CSGALNACT2: variants seen among roughly 807,000 people sequenced by gnomAD.
The protein encoded by CSGALNACT2 is beta 4 GalNAcT-2.
A neutral mutation model predicts 55.3 loss-of-function variants in CSGALNACT2; 35 were observed. The observed-to-expected ratio is 0.63, with a 90% confidence interval of 0.48 to 0.84. The LOEUF (loss-of-function observed/expected upper bound fraction) is 0.84, where lower values mean the gene tolerates loss of function less well. CSGALNACT2 is among the 40% of genes least tolerant of loss of function. The pLI is 0.00. For synonymous variants in CSGALNACT2, 196 were observed against 224.9 expected, an observed-to-expected ratio of 0.87 and a Z score of 1.15; for missense variants, 544 against 657.5, an observed-to-expected ratio of 0.83 and a Z score of 1.89.
Position 43,150,463 on chromosome 10 carries a change from G to A in CSGALNACT2, c.-253-4434G>A, listed in dbSNP as rs538349700. On this transcript the variant is annotated intron_variant, in intron 1 of 7. Coordinates refer to ENST00000374466, the MANE Select transcript of CSGALNACT2 (RefSeq NM_018590.5). ...GCTTTTTATGTAGAGAAAGTATTTT[G>A]CCTTTTTCAAAGATAATTTCTCTGG... Among the ~76,000 whole-genome samples the A allele has an allele frequency of 1.1e-4, 16 of 152,240 alleles. 1 individual carries two copies. The South Asian group carries it at 2.1e-3, about 20-fold the overall frequency.
At chr10:43,150,023 C>T (rs187344154) in intron 1 of CSGALNACT2, among the ~76,000 whole-genome samples, 431 of 152,224 alleles carry the variant, frequency 2.8e-3, no homozygotes, top group Non-Finnish European at 4.8e-3. Flanking sequence ...GCTGAGATCG[C>T]GCCATTGCAC....
intron 6 of CSGALNACT2, among the ~76,000 whole-genome samples, chr10:43,172,187 T>C (rs1839396037): frequency 1.3e-5 from 2 of 152,178 alleles, no homozygotes; most frequent in Admixed American, 6.5e-5. Context: ...ATTGATAACA[T>C]TAAAAGCAAG....
At chr10:43,145,091 T>C (rs1838715339) in intron 1 of CSGALNACT2, among the ~76,000 whole-genome samples, 1 of 152,218 alleles carries the variant, frequency 6.6e-6, no homozygotes, top group Admixed American at 6.5e-5. Context: ...GCTCTACACC[T>C]AGAAGCTGCT....
chr10:43,154,513 C>T (rs955952042), intron 1 of CSGALNACT2, among the ~76,000 whole-genome samples: 11 of 152,132 alleles, frequency 7.2e-5, no homozygotes, highest in Non-Finnish European at 1.5e-4. Context: ...ACAGGCAGAT[C>T]ACCTGAGGTC....
At chr10:43,152,635 A>G (rs555637522) in intron 1 of CSGALNACT2, among the ~76,000 whole-genome samples, 154 of 152,338 alleles carry the variant, frequency 1.0e-3, no homozygotes, top group African/African-American at 3.5e-3. Flanking sequence ...GTTATAGCTC[A>G]TAGTCTAAAA....
Position 43,184,741 on chromosome 10 carries a change from CACT to C in CSGALNACT2, c.*1202_*1204del, listed in dbSNP as rs1839662834. 6.6e-6 allele frequency: 1 copy of C among 152,146 alleles called. No individual in the cohort carries two copies. The highest frequency in any genetic ancestry group is 2.1e-4 in the South Asian group (1 of 4,828). 9.4% of individuals were successfully genotyped at this position (152,146 alleles called of 1,614,324 possible). ...AAGAAATTATATTCAGATAGGACTG[CACT>C]ACATTATTTGTCACACATGGATCTG... On this transcript the variant is annotated 3_prime_UTR_variant, in exon 8 of 8. Coordinates refer to ENST00000374466, the MANE Select transcript of CSGALNACT2 (RefSeq NM_018590.5).
At chr10:43,162,801 T>A (rs1220088865) in intron 4 of CSGALNACT2, 1 of 911,226 alleles carries the variant, frequency 1.1e-6, no homozygotes, top group Non-Finnish European at 1.3e-6. Flanking sequence ...CTGGCTGTAG[T>A]CTGAGAGTTT....
chr10:43,167,174 A>C, intron 6 of CSGALNACT2, 76 bp downstream of exon 6: 1 of 919,254 alleles, frequency 1.1e-6, no homozygotes, highest in South Asian at 1.5e-5. Flanking sequence ...GTAGAAAACA[A>C]AGTTTCAATA....
intron 1 of CSGALNACT2, among the ~76,000 whole-genome samples, chr10:43,142,544 T>C (rs1396579907): frequency 6.6e-6 from 1 of 152,212 alleles, no homozygotes; most frequent in Non-Finnish European, 1.5e-5. Context: ...AAATAATGCT[T>C]CATGACCCAT....
In CSGALNACT2 at chr10:43,138,512, C is replaced by G. The variant is rs1307820002; in HGVS notation, c.-309C>G. 1.3e-5 allele frequency: 2 copies of G among 150,408 alleles called. No individual in the cohort carries two copies. Among genetic ancestry groups the G allele is most frequent in the Non-Finnish European group, 3.0e-5 (2 of 67,470 alleles). The allele number at this position is 150,408 out of a possible 1,614,324, so 9.3% of individuals were successfully genotyped here. ...GGCGGCGGGCCCAAGGCGTGAGGCG[C>G]CGCCCGGGTGTCCCCGCGGCGCAGG... On this transcript the variant is annotated 5_prime_UTR_variant, in exon 1 of 8. Transcript: ENST00000374466.
chr10:43,151,088 A>G (rs372002297), intron 1 of CSGALNACT2, among the ~76,000 whole-genome samples: 1 of 152,226 alleles, frequency 6.6e-6, no homozygotes, highest in Non-Finnish European at 1.5e-5. Context: ...ATTTTTGAAC[A>G]TAAACATCAT....
intron 1 of CSGALNACT2, among the ~76,000 whole-genome samples, chr10:43,149,927 C>T (rs1016808180): frequency 4.6e-5 from 7 of 152,150 alleles, no homozygotes; most frequent in East Asian, 1.9e-4. Flanking sequence ...ATTAGCCAGG[C>T]GTGGTGGTGC....
chr10:43,145,448 A>G (rs1362377843), intron 1 of CSGALNACT2, among the ~76,000 whole-genome samples: 2 of 121,410 alleles, frequency 1.6e-5, no homozygotes, highest in African/African-American at 6.6e-5. Context: ...AGACAGGGCT[A>G]GAGTGCTTTG....
rs145457765 is a variant in CSGALNACT2, at chr10:43,181,038, C to T, written c.1337-2212C>T. ...GATTACCTTTTCCCCTTCCCCACTG[C>T]TGGACGCATTAAGAGATTTTTCTCT... On this transcript the variant is annotated intron_variant, in intron 7 of 7. Coordinates refer to ENST00000374466, the MANE Select transcript of CSGALNACT2 (RefSeq NM_018590.5). Among the ~76,000 whole-genome samples, 637 of 152,344 alleles carry T rather than the reference C, an allele frequency of 4.2e-3. 3 individuals carry two copies. The highest frequency in any genetic ancestry group is 9.9e-3 in the Admixed American group (152 of 15,304).
chr10:43,169,518 GCAGAATGGTTA>G (rs1408689009), intron 6 of CSGALNACT2, among the ~76,000 whole-genome samples: 1 of 152,212 alleles, frequency 6.6e-6, no homozygotes, highest in Non-Finnish European at 1.5e-5. Context: ...GGTCTGAATA[GCAGAATGGTTA>G]CAGTTGAATC....
At chr10:43,179,382 C>A (rs952542051) in intron 7 of CSGALNACT2, among the ~76,000 whole-genome samples, 1 of 150,626 alleles carries the variant, frequency 6.6e-6, no homozygotes, top group South Asian at 2.1e-4. Flanking sequence ...TCTACCACCA[C>A]GGCTTGGTTT....
intron 7 of CSGALNACT2, 50 bp from the exon 8 acceptor site, chr10:43,183,200 C>T (rs1839624656): frequency 7.3e-7 from 1 of 1,370,434 alleles, no homozygotes; most frequent in Non-Finnish European, 1.0e-6. Flanking sequence ...TATCCCTGTG[C>T]TCTGGCTAAT....
At chr10:43,156,272 T>A (rs558749952) in intron 2 of CSGALNACT2, among the ~76,000 whole-genome samples, 129 of 152,350 alleles carry the variant, frequency 8.5e-4, no homozygotes, top group Middle Eastern at 6.8e-3. Flanking sequence ...AACAAGGGGT[T>A]ATACATAGTT....
Position 43,155,136 on chromosome 10 carries a change from A to G in CSGALNACT2, c.-14A>G. 6.3e-7 allele frequency: 1 copy of G among 1,599,460 alleles called. No individual in the cohort carries two copies. Among genetic ancestry groups the G allele is most frequent in the South Asian group, 1.1e-5 (1 of 90,306 alleles). On this transcript the variant is annotated 5_prime_UTR_variant, in exon 2 of 8. The change creates a new upstream start codon in the 5' untranslated region. Transcript: ENST00000374466. ...AAAGAGCTTATTTTGTTAGGCAAATACACATTAATAAGAATGCCTAGAAGA... is the reference window on the plus strand; with the variant it reads ...AAAGAGCTTATTTTGTTAGGCAAATGCACATTAATAAGAATGCCTAGAAGA...
Sources: gnomAD v4.1 joint callset for allele counts (sites outside exome capture counted in the v4.1 genomes callset) on GRCh38, gnomAD v4.1.1 for gene constraint, MANE v1.5 for transcripts, NCBI Gene and HGNC (gene_info 2026-07-23, HGNC 2026-07-21) for gene names.